CSMD1: variants seen among roughly 807,000 people sequenced by gnomAD.
CSMD1 encodes the protein CUB and sushi domain-containing protein 1.
In CSMD1, 213 loss-of-function variants were observed where a neutral mutation model predicts 417.5. That is an observed-to-expected ratio of 0.51 (90% CI 0.46 to 0.57). The LOEUF (loss-of-function observed/expected upper bound fraction) is 0.57, where lower values mean the gene tolerates loss of function less well. Among genes scored for constraint, CSMD1 ranks in the 20% least tolerant of loss-of-function variants. The pLI, the probability that CSMD1 is intolerant of heterozygous loss-of-function variation, is 0.00. For missense variants in CSMD1, 6,923 were observed against 4,529.7 expected, an observed-to-expected ratio of 1.53 and a Z score of -15.17; for synonymous variants, 2,862 against 1,736.8, an observed-to-expected ratio of 1.65 and a Z score of -16.11.
At chr8:3,642,320 G>A (rs1052600945) in intron 7 of CSMD1, among the ~76,000 whole-genome samples, 1 of 152,136 alleles carries the variant, frequency 6.6e-6, no homozygotes, top group Non-Finnish European at 1.5e-5. Context: ...AAAAGAACTT[G>A]CTCTTTCCCA....
intron 57 of CSMD1, among the ~76,000 whole-genome samples, chr8:2,971,293 A>C (rs1804434612): frequency 6.6e-6 from 1 of 151,866 alleles, no homozygotes; most frequent in Non-Finnish European, 1.5e-5. Flanking sequence ...GCCTCTCATA[A>C]CTCTCTTTTG....
chr8:3,606,437 T>G (rs370680610), intron 8 of CSMD1, among the ~76,000 whole-genome samples: 62 of 152,042 alleles, frequency 4.1e-4, no homozygotes, highest in Admixed American at 6.6e-4. Context: ...TATCTAAGTA[T>G]ACCTAAACAT....
chr8:4,443,698 C>A (rs774822143), intron 2 of CSMD1, among the ~76,000 whole-genome samples: 2 of 152,172 alleles, frequency 1.3e-5, no homozygotes, highest in Admixed American at 6.5e-5. Flanking sequence ...CAATTCCCAA[C>A]AAAATTCTAG....
chr8:3,146,892 A>C (rs1818880651), intron 40 of CSMD1, among the ~76,000 whole-genome samples: 1 of 152,134 alleles, frequency 6.6e-6, no homozygotes, highest in Non-Finnish European at 1.5e-5. Context: ...CAACTGCTTA[A>C]CTCCTGGATT....
chr8:3,780,333 C>G (rs1199413496), intron 5 of CSMD1, among the ~76,000 whole-genome samples: 1 of 152,142 alleles, frequency 6.6e-6, no homozygotes, highest in South Asian at 2.1e-4. Context: ...AACAGTTGTT[C>G]GTTAGAATAG....
intron 2 of CSMD1, among the ~76,000 whole-genome samples, chr8:4,430,424 T>G (rs914604066): frequency 5.3e-5 from 8 of 152,234 alleles, no homozygotes; most frequent in Non-Finnish European, 7.4e-5. Context: ...TAGTCTACCT[T>G]CTCCCGGGAC....
At chr8:4,790,113 T>C (rs2117228621) in intron 1 of CSMD1, among the ~76,000 whole-genome samples, 1 of 152,318 alleles carries the variant, frequency 6.6e-6, no homozygotes, top group South Asian at 2.1e-4. Flanking sequence ...CCATCACTTG[T>C]GATATCCAAT....
At chr8:4,283,394 G>A (rs989253898) in intron 3 of CSMD1, among the ~76,000 whole-genome samples, 2 of 152,154 alleles carry the variant, frequency 1.3e-5, no homozygotes, top group Non-Finnish European at 2.9e-5. Flanking sequence ...GCCATGAAGT[G>A]AATTAATTCT....
chr8:4,720,047 T>A (rs186930334), intron 1 of CSMD1, among the ~76,000 whole-genome samples: 22 of 152,046 alleles, frequency 1.4e-4, no homozygotes, highest in Non-Finnish European at 2.5e-4. Flanking sequence ...TTTAAAGAAA[T>A]TATTCCTGTG....
At chr8:3,226,412 G>C (rs1798506429) in intron 27 of CSMD1, among the ~76,000 whole-genome samples, 1 of 151,854 alleles carries the variant, frequency 6.6e-6, no homozygotes, top group South Asian at 2.1e-4. Context: ...GCAAAACCTA[G>C]TCTCTACTAA....
At chr8:4,976,073 G>C (rs944057070) in intron 1 of CSMD1, among the ~76,000 whole-genome samples, 1 of 152,134 alleles carries the variant, frequency 6.6e-6, no homozygotes, top group Non-Finnish European at 1.5e-5. Flanking sequence ...TCAATAATTG[G>C]TTGACACATG....
intron 11 of CSMD1, among the ~76,000 whole-genome samples, chr8:3,483,485 C>A (rs1377724338): frequency 6.6e-6 from 1 of 151,956 alleles, no homozygotes; most frequent in Non-Finnish European, 1.5e-5. Context: ...AATGGTATAA[C>A]ATGTTCACCA....
Position 4,427,270 on chromosome 8 carries a change from G to C in CSMD1, c.303-7205C>G, listed in dbSNP as rs1373605093. Among the ~76,000 whole-genome samples the C allele has an allele frequency of 3.3e-5, 5 of 152,182 alleles. No individual in the cohort carries two copies. In the South Asian group the frequency reaches 8.3e-4, roughly 25 times the overall value. ...GTCCTCAGTCCAAGAGATCACTTGAGTTATGTGGCCTTGGTGAGCAGGTCT... is the reference window on the plus strand; with the variant it reads ...GTCCTCAGTCCAAGAGATCACTTGACTTATGTGGCCTTGGTGAGCAGGTCT... On this transcript the variant is annotated intron_variant, in intron 2 of 69. Transcript: ENST00000635120.
At chr8:3,938,721 T>G (rs917843176) in intron 5 of CSMD1, among the ~76,000 whole-genome samples, 1 of 152,196 alleles carries the variant, frequency 6.6e-6, no homozygotes, top group Admixed American at 6.6e-5. Flanking sequence ...GACCCAAACA[T>G]AAGTTGTTTT....
At chr8:3,706,875 T>C (rs1801198485) in intron 7 of CSMD1, among the ~76,000 whole-genome samples, 1 of 152,228 alleles carries the variant, frequency 6.6e-6, no homozygotes, top group Non-Finnish European at 1.5e-5. Context: ...TTATTCCTTC[T>C]ACTGTTTCTC....
chr8:3,322,654 G>A (rs769518558), intron 23 of CSMD1, among the ~76,000 whole-genome samples: 7 of 152,244 alleles, frequency 4.6e-5, no homozygotes, highest in South Asian at 2.1e-4. Flanking sequence ...TGGTCACCTG[G>A]CCTCCAGGTG....
At chr8:4,717,177 A>G (rs1454431646) in intron 1 of CSMD1, among the ~76,000 whole-genome samples, 4 of 151,840 alleles carry the variant, frequency 2.6e-5, no homozygotes, top group Non-Finnish European at 5.9e-5. Context: ...TTTGGGAGTC[A>G]GGAGAAAAAT....
intron 1 of CSMD1, among the ~76,000 whole-genome samples, chr8:4,649,259 G>A (rs545611669): frequency 6.6e-6 from 1 of 152,208 alleles, no homozygotes; most frequent in Non-Finnish European, 1.5e-5. Flanking sequence ...GTCTATGGAA[G>A]CAAGGGAGCT....
At chr8:3,859,171 C>A (rs573698996) in intron 5 of CSMD1, among the ~76,000 whole-genome samples, 2 of 152,308 alleles carry the variant, frequency 1.3e-5, no homozygotes, top group Admixed American at 6.5e-5. Context: ...GCCAGACACA[C>A]AACAGGCTCT....
Sources: allele counts gnomAD v4.1 joint callset (sites outside exome capture counted in the v4.1 genomes callset), GRCh38; gene constraint gnomAD v4.1.1; transcripts MANE v1.5; gene names NCBI Gene and HGNC (gene_info 2026-07-23, HGNC 2026-07-21).